PCDHGA2: variants seen among roughly 807,000 people sequenced by gnomAD.
PCDHGA2 encodes the protein protocadherin gamma subfamily A, 2, also known as protocadherin gamma-A2.
In PCDHGA2, 40 loss-of-function variants were observed where a neutral mutation model predicts 59.2. The observed-to-expected ratio is 0.68, with a 90% CI of 0.52 to 0.88. The LOEUF (loss-of-function observed/expected upper bound fraction) is 0.88. PCDHGA2 is among the 40% of genes least tolerant of loss of function. The pLI is 0.00. For synonymous variants in PCDHGA2, 560 were observed against 526.0 expected, an observed-to-expected ratio of 1.06 and a Z score of -0.89; for missense variants, 1,226 against 1,204.0, an observed-to-expected ratio of 1.02 and a Z score of -0.27.
At chr5:141,454,344 G>A (rs1455147295) in intron 1 of PCDHGA2, among the ~76,000 whole-genome samples, 3 of 152,236 alleles carry the variant, frequency 2.0e-5, no homozygotes, top group Non-Finnish European at 4.4e-5. Flanking sequence ...AATGTTGGAA[G>A]TTGATCCAAA....
rs754836894 is a variant in PCDHGA2 at position 141,432,969 on chromosome 5, C to G, written c.2425-61838C>G. ...GGAGGCGGCTTGACAGGAGCGCCGG[C>G]GTCGCACTTTGTGGGCGTGGACGGG... On this transcript the variant is annotated intron_variant, in intron 1 of 3. Coordinates refer to ENST00000394576, the MANE Select transcript of PCDHGA2 (RefSeq NM_018915.4). The surrounding 1 kb of genome is among the most constrained non-coding windows in gnomAD (Gnocchi z 6.0). 5.0e-6 allele frequency: 8 copies of G among 1,614,030 alleles called. No homozygotes were observed. In the Admixed American group the frequency reaches 5.0e-5, roughly 10 times the overall value.
rs564226347 is a variant in PCDHGA2 at position 141,361,741 on chromosome 5, G to C, written c.2424+20346G>C. ...CTTCGAGCTCACACTGCAGGCCCGC[G>C]ACCAGGGCTCGCCCGCGCTCAGCGC... On this transcript the variant is annotated intron_variant, in intron 1 of 3. Coordinates refer to ENST00000394576, the MANE Select transcript of PCDHGA2 (RefSeq NM_018915.4). The C allele has an allele frequency of 2.5e-5, 40 of 1,613,146 alleles. No homozygotes were observed. The South Asian group carries it at 4.0e-4, about 16-fold the overall frequency.
At position 141,339,838 on chromosome 5, in the gene PCDHGA2, A is replaced by G; in HGVS notation, c.867A>G (p.Ser289=). The change falls in exon 1 of 4, where the codon TCA becomes TCG. Residue 289 remains serine, a synonymous_variant. Transcript: ENST00000394576. ...YFLEKSPGET[S]EVFELKSTSG... ...TAGAGAAAAGCCCTGGAGAAACCTC[A>G]GAGGTATTTGAGCTTAAGTCAACAT... 6.2e-7 allele frequency: 1 copy of G among 1,614,190 alleles called. No individual in the cohort carries two copies. The highest frequency in any genetic ancestry group is 8.5e-7 in the Non-Finnish European group (1 of 1,180,028).
At position 141,454,796 on chromosome 5, in the gene PCDHGA2, A is replaced by ATT. The variant is rs61612330; in HGVS notation, c.2425-39983_2425-39982dup. On this transcript the variant is annotated intron_variant, in intron 1 of 3. Coordinates refer to ENST00000394576, the MANE Select transcript of PCDHGA2 (RefSeq NM_018915.4). Reference sequence around the variant, plus strand: ...AAGGAAATAATCCTCCATGGTTCTAATTTTTTTTTTTTTTTTTTTTTTTTT... The same window carrying ATT: ...AAGGAAATAATCCTCCATGGTTCTAATTTTTTTTTTTTTTTTTTTTTTTTTTT... 6.7e-3 allele frequency among the ~76,000 whole-genome samples: 521 copies of ATT among 77,456 alleles called. 71 individuals are homozygous for ATT. The highest frequency in any genetic ancestry group is 0.017 in the Middle Eastern group (2 of 120). The allele number at this position is 77,456 out of a possible 152,430, so 50.8% of individuals were successfully genotyped here.
intron 1 of PCDHGA2, chr5:141,423,750 TGGGGGG>T: frequency 3.5e-6 from 1 of 287,482 alleles, no homozygotes; most frequent in Non-Finnish European, 4.5e-6. Flanking sequence ...GAAAACTGTT[TGGGGGG>T]GGGGTGGGGC....
rs755837851 is a variant in PCDHGA2, at chr5:141,376,241, C to G, written c.2424+34846C>G. On this transcript the variant is annotated intron_variant, in intron 1 of 3. Coordinates refer to ENST00000394576, the MANE Select transcript of PCDHGA2 (RefSeq NM_018915.4). ...GCTGGCGCTCAGACTGCAGCGCTGG[C>G]ACAAGTCACGCCTGCTGCAGGCTTC... 1.9e-6 allele frequency: 3 copies of G among 1,614,236 alleles called. No homozygotes were observed. The South Asian group carries it at 3.3e-5, about 18-fold the overall frequency.
intron 1 of PCDHGA2, chr5:141,405,103 G>T (rs368202826): frequency 3.1e-6 from 5 of 1,613,804 alleles, no homozygotes; most frequent in Non-Finnish European, 4.2e-6. Flanking sequence ...TCAGGCTGAG[G>T]CACTGGCACT....
At chr5:141,415,688 T>A (rs373105795) in intron 1 of PCDHGA2, 395 of 1,545,880 alleles carry the variant, frequency 2.6e-4, no homozygotes, top group Non-Finnish European at 3.3e-4. Context: ...GGCATGATGG[T>A]GGAAAGTGTA....
intron 1 of PCDHGA2, chr5:141,392,860 T>A (rs726684): frequency 2.5e-6 from 4 of 1,612,016 alleles, no homozygotes; most frequent in Admixed American, 3.4e-5. Flanking sequence ...CTGATCCTGC[T>A]GTGCGCGCTG....
At chr5:141,454,796 ATTTTTTT>A (rs61612330) in intron 1 of PCDHGA2, among the ~76,000 whole-genome samples, 2,943 of 77,244 alleles carry the variant, frequency 0.038, 52 homozygotes, top group African/African-American at 0.09. Context: ...CATGGTTCTA[ATTTTTTT>A]TTTTTTTTTT....
At chr5:141,480,033 C>T (rs370321166) in intron 1 of PCDHGA2, among the ~76,000 whole-genome samples, 1 of 152,106 alleles carries the variant, frequency 6.6e-6, no homozygotes, top group African/African-American at 2.4e-5. Flanking sequence ...AAGCCTCTTC[C>T]TCATATGCAA....
intron 1 of PCDHGA2, chr5:141,384,513 G>A: frequency 6.2e-7 from 1 of 1,614,200 alleles, no homozygotes; most frequent in Non-Finnish European, 8.5e-7. Context: ...ATGACAGCGG[G>A]GACCCGCCTC....
chr5:141,473,857 G>A (rs981688765), intron 1 of PCDHGA2, among the ~76,000 whole-genome samples: 1 of 152,164 alleles, frequency 6.6e-6, no homozygotes, highest in Non-Finnish European at 1.5e-5. Context: ...GATGAACCTC[G>A]CTATTGTGGA....
chr5:141,375,578 G>T, intron 1 of PCDHGA2: 1 of 1,614,062 alleles, frequency 6.2e-7, no homozygotes, highest in Non-Finnish European at 8.5e-7. Flanking sequence ...CCTCCAGGGG[G>T]CGCCCCTGTC....
At chr5:141,423,444 A>C (rs1340932902) in intron 1 of PCDHGA2, 1 of 1,614,050 alleles carries the variant, frequency 6.2e-7, no homozygotes. Flanking sequence ...TGCCCACGTC[A>C]CATTTTGTAG....
intron 2 of PCDHGA2, among the ~76,000 whole-genome samples, chr5:141,504,036 G>T (rs1472706342): frequency 6.6e-6 from 1 of 152,080 alleles, no homozygotes; most frequent in African/African-American, 2.4e-5. Flanking sequence ...ACTCATTTAG[G>T]CAACAAATAT....
chr5:141,414,642 C>A (rs547014431), intron 1 of PCDHGA2: 1 of 1,613,962 alleles, frequency 6.2e-7, no homozygotes, highest in Admixed American at 1.7e-5. Context: ...AAGAGAATGC[C>A]CAGATTATTT....
intron 1 of PCDHGA2, among the ~76,000 whole-genome samples, chr5:141,458,500 T>G (rs2098947037): frequency 6.6e-6 from 1 of 151,442 alleles, no homozygotes; most frequent in Admixed American, 6.6e-5. Context: ...CTGTACATAC[T>G]GTTTGACACT....
chr5:141,433,093 G>A (rs1203083573), intron 1 of PCDHGA2: 4 of 1,614,206 alleles, frequency 2.5e-6, no homozygotes, highest in Admixed American at 1.7e-5. Flanking sequence ...ATGCAGACAT[G>A]CTCGTCAGCC....
Sources: gnomAD v4.1 joint callset for allele counts (sites outside exome capture counted in the v4.1 genomes callset) on GRCh38, gnomAD v4.1.1 for gene constraint, Gnocchi (gnomAD v3.1) non-coding constraint, MANE v1.5 for transcripts, NCBI Gene and HGNC (gene_info 2026-07-23, HGNC 2026-07-21) for gene names.